GALNT17: variants seen among roughly 807,000 people sequenced by gnomAD.
The protein encoded by GALNT17 is polypeptide N-acetylgalactosaminyltransferase 17.
A neutral mutation model predicts 63.7 loss-of-function variants in GALNT17; 29 were observed. The observed-to-expected ratio is 0.46, with a 90% confidence interval of 0.34 to 0.62. The LOEUF (loss-of-function observed/expected upper bound fraction) is 0.62, where lower values mean the gene tolerates loss of function less well. Ranked by LOEUF, GALNT17 falls within the 20% of genes least tolerant of loss-of-function variation. The pLI, the probability that GALNT17 is intolerant of heterozygous loss-of-function variation, is 0.01. For missense variants in GALNT17, 603 were observed against 799.6 expected (o/e 0.75, Z 2.97); for synonymous variants, 305 against 318.3 (o/e 0.96, Z 0.45).
chr7:71,434,496 C>A (rs1404358731), intron 5 of GALNT17, among the ~76,000 whole-genome samples: 1 of 152,150 alleles, frequency 6.6e-6, no homozygotes, highest in African/African-American at 2.4e-5. Context: ...CAGCCAGGGG[C>A]CAAGTGAATG....
At chr7:71,348,874 A>G (rs1035455044) in intron 2 of GALNT17, among the ~76,000 whole-genome samples, 1 of 152,134 alleles carries the variant, frequency 6.6e-6, no homozygotes, top group Non-Finnish European at 1.5e-5. Flanking sequence ...TGCCTAGTCC[A>G]TTGCTTCCTC....
At chr7:71,399,982 G>A (rs933011768) in intron 3 of GALNT17, among the ~76,000 whole-genome samples, 1 of 152,068 alleles carries the variant, frequency 6.6e-6, no homozygotes, top group African/African-American at 2.4e-5. Context: ...TGATTTACAA[G>A]AACTTTTTAT....
chr7:71,302,245 C>T (rs906911708), intron 1 of GALNT17, among the ~76,000 whole-genome samples: 2 of 152,062 alleles, frequency 1.3e-5, no homozygotes, highest in African/African-American at 2.4e-5. Flanking sequence ...CTAATGCATG[C>T]GGGGCTGAAT....
chr7:71,322,501 T>G (rs1791635956), intron 1 of GALNT17, among the ~76,000 whole-genome samples: 1 of 152,192 alleles, frequency 6.6e-6, no homozygotes, highest in Admixed American at 6.5e-5. Flanking sequence ...AAAATGTACC[T>G]CCAGTATTCG....
At chr7:71,675,881 G>A (rs1343360811) in intron 8 of GALNT17, among the ~76,000 whole-genome samples, 2 of 152,014 alleles carry the variant, frequency 1.3e-5, no homozygotes, top group African/African-American at 2.4e-5. Flanking sequence ...CCAGCTACTC[G>A]GGAGGCTGAA....
intron 5 of GALNT17, among the ~76,000 whole-genome samples, chr7:71,568,665 A>G (rs931329015): frequency 5.3e-5 from 8 of 152,204 alleles, no homozygotes; most frequent in African/African-American, 1.9e-4. Context: ...AGCCATAGCA[A>G]AGGGCATGAT....
At chr7:71,183,740 T>C (rs1788778901) in intron 1 of GALNT17, among the ~76,000 whole-genome samples, 1 of 151,016 alleles carries the variant, frequency 6.6e-6, no homozygotes, top group Admixed American at 6.6e-5. Context: ...GTACGAAAAA[T>C]AACAAAAATT....
At chr7:71,153,245 G>A (rs1788165954) in intron 1 of GALNT17, among the ~76,000 whole-genome samples, 1 of 152,188 alleles carries the variant, frequency 6.6e-6, no homozygotes. Flanking sequence ...GAAAACAGTA[G>A]CTACTCCTAT....
In GALNT17 at chr7:71,433,518, G is replaced by A. The variant is rs143843465; in HGVS notation, c.962+12413G>A. 2.5e-4 allele frequency among the ~76,000 whole-genome samples: 38 copies of A among 152,332 alleles called. No individual in the cohort carries two copies. In the East Asian group the frequency reaches 6.2e-3, roughly 25 times the overall value. Reference sequence around the variant, plus strand: ...AGCAAGCAGGTGAATTATGTGGTCCGTGAATTCTTTCTCAGAAGCTGATGG... The same window carrying A: ...AGCAAGCAGGTGAATTATGTGGTCCATGAATTCTTTCTCAGAAGCTGATGG... On this transcript the variant is annotated intron_variant, in intron 5 of 10. Transcript: ENST00000333538.
At chr7:71,231,130 T>C (rs918571691) in intron 1 of GALNT17, among the ~76,000 whole-genome samples, 4 of 152,232 alleles carry the variant, frequency 2.6e-5, no homozygotes, top group Non-Finnish European at 5.9e-5. Context: ...TAAGGTGATC[T>C]AAGCTTTAAA....
At chr7:71,480,631 C>T (rs1383805149) in intron 5 of GALNT17, among the ~76,000 whole-genome samples, 5 of 152,144 alleles carry the variant, frequency 3.3e-5, no homozygotes, top group East Asian at 1.9e-4. Flanking sequence ...CTCAGCCTCC[C>T]GAGTAGCTGG....
intron 6 of GALNT17, among the ~76,000 whole-genome samples, chr7:71,605,897 G>A (rs1790040325): frequency 6.6e-6 from 1 of 152,082 alleles, no homozygotes; most frequent in African/African-American, 2.4e-5. Context: ...GATTGACTGA[G>A]ACAGGATCAC....
At chr7:71,228,270 T>G (rs1440672471) in intron 1 of GALNT17, among the ~76,000 whole-genome samples, 1 of 152,048 alleles carries the variant, frequency 6.6e-6, no homozygotes, top group Admixed American at 6.6e-5. Context: ...CCAGCAAACG[T>G]TAAGTCTATG....
At chr7:71,535,044 AGGAGC>A (rs1788782554) in intron 5 of GALNT17, among the ~76,000 whole-genome samples, 1 of 152,196 alleles carries the variant, frequency 6.6e-6, no homozygotes, top group East Asian at 1.9e-4. Flanking sequence ...CCAAAGTAGT[AGGAGC>A]CAACATGCCT....
intron 1 of GALNT17, among the ~76,000 whole-genome samples, chr7:71,204,888 G>C: frequency 6.6e-6 from 1 of 151,986 alleles, no homozygotes; most frequent in East Asian, 1.9e-4. Flanking sequence ...TGGGATTATA[G>C]GTGCCTGCCA....
chr7:71,554,912 A>C (rs1789137330), intron 5 of GALNT17, among the ~76,000 whole-genome samples: 1 of 152,170 alleles, frequency 6.6e-6, no homozygotes, highest in Admixed American at 6.5e-5. Flanking sequence ...AGGCTGGATA[A>C]TTTATAAAGA....
At chr7:71,602,833 G>A (rs968420971) in intron 6 of GALNT17, among the ~76,000 whole-genome samples, 7 of 152,112 alleles carry the variant, frequency 4.6e-5, no homozygotes, top group Non-Finnish European at 1.0e-4. Flanking sequence ...TGGACTGATG[G>A]GAACACTGGA....
intron 3 of GALNT17, among the ~76,000 whole-genome samples, chr7:71,392,844 C>CAAGT (rs55894614): frequency 0.49 from 74,857 of 151,540 alleles, 20,564 homozygotes; most frequent in Non-Finnish European, 0.62. Context: ...GAAATCTCTT[C>CAAGT]TCTTGAACTA....
chr7:71,573,344 T>G (rs1302890883), intron 6 of GALNT17, among the ~76,000 whole-genome samples: 2 of 151,556 alleles, frequency 1.3e-5, no homozygotes, highest in Non-Finnish European at 2.9e-5. Context: ...ATTTATTTAT[T>G]TTTTGAGAAG....
Sources: allele counts gnomAD v4.1 joint callset (sites outside exome capture counted in the v4.1 genomes callset), GRCh38; gene constraint gnomAD v4.1.1; transcripts MANE v1.5; gene names NCBI Gene and HGNC (gene_info 2026-07-23, HGNC 2026-07-21).